Variants in SLC16A7 observed in about 807,000 individuals in gnomAD.
SLC16A7 encodes the protein monocarboxylate transporter 2.
Under a neutral mutation model 34.9 loss-of-function variants are expected in SLC16A7, and 33 were observed. The ratio of observed to expected loss-of-function variants is 0.94; its 90% CI spans 0.72 to 1.26. The LOEUF (loss-of-function observed/expected upper bound fraction) is 1.26. Ranked by LOEUF, SLC16A7 falls within the 50% of genes most tolerant of loss-of-function variation. The pLI, the probability that SLC16A7 is intolerant of heterozygous loss-of-function variation, is 0.00. For missense variants in SLC16A7, 573 were observed against 578.1 expected (o/e 0.99, Z 0.09); for synonymous variants, 201 against 206.6 (o/e 0.97, Z 0.23).
At chr12:59,730,536 A>T (rs1876831085) in intron 3 of SLC16A7, among the ~76,000 whole-genome samples, 1 of 152,084 alleles carries the variant, frequency 6.6e-6, no homozygotes, top group African/African-American at 2.4e-5. Context: ...AATAATAATA[A>T]TAATAATAAC....
At chr12:59,767,728 T>C (rs1005066365) in intron 3 of SLC16A7, among the ~76,000 whole-genome samples, 2 of 152,102 alleles carry the variant, frequency 1.3e-5, no homozygotes, top group African/African-American at 4.8e-5. Flanking sequence ...GGAGCTCTGA[T>C]AGAGATGTAC....
chr12:59,656,352 G>A (rs1282611587), intron 2 of SLC16A7, among the ~76,000 whole-genome samples: 2 of 151,956 alleles, frequency 1.3e-5, no homozygotes, highest in African/African-American at 4.8e-5. Context: ...TTGATTATGT[G>A]CATGGGCCCA....
intron 3 of SLC16A7, among the ~76,000 whole-genome samples, chr12:59,761,493 C>T (rs1881010883): frequency 6.6e-6 from 1 of 152,060 alleles, no homozygotes; most frequent in Non-Finnish European, 1.5e-5. Flanking sequence ...TCTATTTGTT[C>T]AACTCTTTTA....
At chr12:59,759,096 C>T (rs1880726442) in intron 3 of SLC16A7, among the ~76,000 whole-genome samples, 1 of 151,884 alleles carries the variant, frequency 6.6e-6, no homozygotes, top group African/African-American at 2.4e-5. Flanking sequence ...CTAATCTAAT[C>T]TGATGACTAC....
chr12:59,644,435 C>A (rs528877879), intron 1 of SLC16A7, among the ~76,000 whole-genome samples: 3 of 151,982 alleles, frequency 2.0e-5, no homozygotes, highest in Non-Finnish European at 4.4e-5. Flanking sequence ...AACATGTTGG[C>A]GCATGCCTGT....
intron 2 of SLC16A7, among the ~76,000 whole-genome samples, chr12:59,696,172 AT>A (rs917828235): frequency 5.9e-5 from 9 of 151,754 alleles, no homozygotes; most frequent in Non-Finnish European, 7.4e-5. Context: ...ACAAAACCTA[AT>A]TTTTTTAATC....
chr12:59,686,327 T>G (rs1394785046), intron 2 of SLC16A7, among the ~76,000 whole-genome samples: 2 of 152,164 alleles, frequency 1.3e-5, no homozygotes, highest in East Asian at 3.9e-4. Context: ...GGACTCAGAA[T>G]ACTAAGTTCT....
At chr12:59,721,396 C>T (rs534179118) in intron 3 of SLC16A7, among the ~76,000 whole-genome samples, 1 of 152,094 alleles carries the variant, frequency 6.6e-6, no homozygotes, top group East Asian at 1.9e-4. Flanking sequence ...CTTCCTTTCT[C>T]ACCCCCTCAA....
intron 2 of SLC16A7, among the ~76,000 whole-genome samples, chr12:59,695,531 T>C (rs563089858): frequency 2.0e-5 from 3 of 152,120 alleles, no homozygotes; most frequent in African/African-American, 7.2e-5. Flanking sequence ...CCCTGACTTT[T>C]AAGCCTCTTT....
chr12:59,677,979 C>A (rs1220980375), intron 2 of SLC16A7, among the ~76,000 whole-genome samples: 1 of 152,162 alleles, frequency 6.6e-6, no homozygotes, highest in African/African-American at 2.4e-5. Flanking sequence ...CTTGCCCTGG[C>A]AGGCTGCACT....
chr12:59,774,790 T>G lies in SLC16A7; in HGVS notation c.495T>G (p.Asn165Lys), dbSNP rs779174693. 6.2e-7 allele frequency: 1 copy of G among 1,613,992 alleles called. No individual in the cohort carries two copies. The highest frequency in any genetic ancestry group is 8.5e-7 in the Non-Finnish European group (1 of 1,179,952). ...PVFLSSLAPFNQYLFNTFGWK... is the reference protein window; with the variant it reads ...PVFLSSLAPFKQYLFNTFGWK... ...TCTTAAGTTCATTGGCTCCTTTCAA[T>G]CAGTACCTTTTTAATACTTTTGGCT... The change falls in exon 5 of 6, where the codon AAT (asparagine) becomes AAG (lysine). Residue 165 changes from asparagine (N) to lysine (K), a missense_variant. Transcript: ENST00000547379.
chr12:59,637,412 C>T (rs555972539), intron 1 of SLC16A7, among the ~76,000 whole-genome samples: 2 of 150,424 alleles, frequency 1.3e-5, no homozygotes, highest in African/African-American at 4.9e-5. Flanking sequence ...ACCTCGGTCT[C>T]GTTGAGGCTT....
chr12:59,644,758 G>A (rs1435291150), intron 1 of SLC16A7, among the ~76,000 whole-genome samples: 3 of 151,790 alleles, frequency 2.0e-5, no homozygotes, highest in African/African-American at 4.8e-5. Context: ...TTTACTTCTC[G>A]TTCCTCCCTC....
chr12:59,687,249 C>A (rs1693619), intron 2 of SLC16A7, among the ~76,000 whole-genome samples: 2 of 151,904 alleles, frequency 1.3e-5, no homozygotes, highest in Admixed American at 1.3e-4. Context: ...TTCAATCCTG[C>A]AAGTCCTGTA....
chr12:59,685,110 C>T (rs1795906), intron 2 of SLC16A7, among the ~76,000 whole-genome samples: 7,247 of 152,110 alleles, frequency 0.048, 586 homozygotes, highest in African/African-American at 0.17. Flanking sequence ...TGGTTCTTTC[C>T]GGTCATCTTC....
At chr12:59,680,421 A>G (rs748230781) in intron 2 of SLC16A7, among the ~76,000 whole-genome samples, 40 of 152,140 alleles carry the variant, frequency 2.6e-4, no homozygotes, top group Non-Finnish European at 4.9e-4. Flanking sequence ...TGTTATCTTG[A>G]TTGCTATTGT....
chr12:59,710,075 G>A (rs1013423737), intron 3 of SLC16A7, among the ~76,000 whole-genome samples: 1 of 151,624 alleles, frequency 6.6e-6, no homozygotes, highest in African/African-American at 2.4e-5. Flanking sequence ...AACACACTAT[G>A]AGATAGCCTT....
chr12:59,726,897 TA>T (rs1419362761), intron 3 of SLC16A7, among the ~76,000 whole-genome samples: 1 of 152,062 alleles, frequency 6.6e-6, no homozygotes, highest in Non-Finnish European at 1.5e-5. Context: ...ATTTATGCTT[TA>T]TGATCAATAC....
intron 2 of SLC16A7, among the ~76,000 whole-genome samples, chr12:59,675,479 C>A (rs865860558): frequency 7.6e-6 from 1 of 130,886 alleles, no homozygotes; most frequent in Non-Finnish European, 1.6e-5. Flanking sequence ...AGACTTGCAG[C>A]CTCCGGAACT....
Sources: allele counts gnomAD v4.1 joint callset (sites outside exome capture counted in the v4.1 genomes callset), GRCh38; gene constraint gnomAD v4.1.1; transcripts MANE v1.5; gene names NCBI Gene and HGNC (gene_info 2026-07-23, HGNC 2026-07-21).